Variants in KATNB1 observed in about 807,000 individuals in gnomAD.
KATNB1 encodes the protein katanin p80 WD40 repeat-containing subunit B1.
KATNB1 carries 38 observed loss-of-function variants against 82.3 expected under a neutral mutation model. That is an observed-to-expected ratio of 0.46 (90% confidence interval 0.36 to 0.61). The LOEUF is 0.61. KATNB1 is among the 20% of genes least tolerant of loss of function. KATNB1 has a pLI of 0.00. For synonymous variants in KATNB1, 361 were observed against 368.7 expected (o/e 0.98, Z 0.24); for missense variants, 749 against 915.7 (o/e 0.82, Z 2.35).
At chr16:57,740,249 C>A (rs1360283917) in intron 2 of KATNB1, among the ~76,000 whole-genome samples, 1 of 152,176 alleles carries the variant, frequency 6.6e-6, no homozygotes, top group Non-Finnish European at 1.5e-5. Flanking sequence ...GGAACCCTCG[C>A]CCTTGCTGGC....
At position 57,737,165 on chromosome 16, in the gene KATNB1, G is replaced by C. The variant is rs182606259; in HGVS notation, c.-79G>C. On this transcript the variant is annotated 5_prime_UTR_variant, in exon 2 of 20. Coordinates refer to ENST00000379661, the MANE Select transcript of KATNB1 (RefSeq NM_005886.3). ...TCTGCCAACTTGATTGGTGGATCTG[G>C]GGGGGGATCCACCCCCACCCCACGA... 3.5e-5 allele frequency: 54 copies of C among 1,545,182 alleles called. No homozygotes were observed. In the African/African-American group the frequency reaches 5.2e-4, roughly 15 times the overall value.
In KATNB1 at chr16:57,744,620, G is replaced by A. The variant is rs782361860; in HGVS notation, c.289+109G>A. 8.6e-5 allele frequency: 78 copies of A among 903,520 alleles called. No homozygotes were observed. The African/African-American group carries it at 1.1e-3, about 13-fold the overall frequency. 56.0% of individuals were successfully genotyped at this position (903,520 alleles called of 1,614,324 possible). A position where few individuals can be genotyped will look rare whatever the true frequency, so the allele number is the denominator to read the frequency against. On this transcript the variant is annotated intron_variant, in intron 4 of 19. Transcript: ENST00000379661. ...CTGCCTGGACTACGTTGGCTGCTTT[G>A]CTCCTGGAGCACTAACCCGGCAGTG...
At chr16:57,742,581 G>A (rs1432276455) in intron 3 of KATNB1, among the ~76,000 whole-genome samples, 1 of 152,232 alleles carries the variant, frequency 6.6e-6, no homozygotes, top group Admixed American at 6.5e-5. Context: ...CCACTCTTGT[G>A]CAGCCTGGTT....
intron 4 of KATNB1, among the ~76,000 whole-genome samples, chr16:57,748,512 G>A (rs1313787360): frequency 4.7e-5 from 7 of 150,242 alleles, no homozygotes; most frequent in Non-Finnish European, 1.0e-4. Flanking sequence ...GCCTCATATC[G>A]GTTGCCTTGA....
At chr16:57,754,198 G>T (rs1469874056) in intron 13 of KATNB1, among the ~76,000 whole-genome samples, 1 of 152,166 alleles carries the variant, frequency 6.6e-6, no homozygotes. Flanking sequence ...GTAGGAGCCT[G>T]TGCCCTGGTG....
Position 57,751,051 on chromosome 16 carries a change from ATCC to A in KATNB1, c.390+126_390+128del, listed in dbSNP as rs2049222638. 3 of 884,112 alleles carry A rather than the reference ATCC, an allele frequency of 3.4e-6. No individual in the cohort carries two copies. The East Asian group carries it at 7.5e-5, about 22-fold the overall frequency. The allele number at this position is 884,112 out of a possible 1,614,324, so 54.8% of individuals were successfully genotyped here. On this transcript the variant is annotated intron_variant, in intron 5 of 19. Transcript: ENST00000379661. The surrounding 1 kb of genome is among the most constrained non-coding windows in gnomAD (Gnocchi z 6.3). ...CCCTTTCTGCAGCCACATCCACACC[ATCC>A]TAGGGAAAGCGGGTGGCAGGCATCT...
Position 57,741,555 on chromosome 16 carries a change from G to C in KATNB1, c.41-132G>C, listed in dbSNP as rs533815268. On this transcript the variant is annotated intron_variant, in intron 2 of 19. Transcript: ENST00000379661. ...CCTGCAGCTCATGGTGGACACCAAA[G>C]GGGGAGCTGAAGGAGGCAGATCCTT... The C allele has an allele frequency of 1.6e-5, 15 of 923,776 alleles. No individual in the cohort carries two copies. In the South Asian group the frequency reaches 2.1e-4, roughly 13 times the overall value. The allele number at this position is 923,776 out of a possible 1,614,324, so 57.2% of individuals were successfully genotyped here.
Position 57,741,692 on chromosome 16 carries a change from A to T in KATNB1, c.46A>T (p.Ile16Phe), listed in dbSNP as rs1240338806. 5.0e-6 allele frequency: 8 copies of T among 1,613,514 alleles called. No homozygotes were observed. Among genetic ancestry groups the T allele is most frequent in the Non-Finnish European group, 6.8e-6 (8 of 1,179,794 alleles). The change falls in exon 3 of 20, where the codon ATC (isoleucine) becomes TTC (phenylalanine). Residue 16 changes from isoleucine to phenylalanine, a missense_variant. This residue lies in a region of KATNB1 where 247 missense variants were observed against 349.4 expected (regional missense o/e 0.71). Transcript: ENST00000379661. ...CCCTCTCCTTCCCTGTGTAGAAGAG[A>T]TCGTCGCGCATGCCAGCAACGTGTC... Reference protein sequence around the residue: ...VTKTAWKLQEIVAHASNVSSL... With the variant: ...VTKTAWKLQEFVAHASNVSSL...
At chr16:57,750,605 G>A (rs569786140) in intron 4 of KATNB1, among the ~76,000 whole-genome samples, 3 of 152,258 alleles carry the variant, frequency 2.0e-5, no homozygotes, top group South Asian at 2.1e-4. Flanking sequence ...CAGCCTGGGC[G>A]ACAGAGCAAG....
At chr16:57,755,097 C>A in intron 14 of KATNB1, 22 bp from the exon 15 acceptor site, 5 of 1,612,968 alleles carry the variant, frequency 3.1e-6, no homozygotes, top group Non-Finnish European at 4.2e-6. Flanking sequence ...AGGCCGGCAA[C>A]CGCTGAGTTT....
Position 57,755,200 on chromosome 16 carries a change from A to C in KATNB1, c.1378A>C (p.Asn460His), listed in dbSNP as rs1555585351. The C allele has an allele frequency of 3.7e-6, 6 of 1,611,912 alleles. No homozygotes were observed. In the East Asian group the frequency reaches 1.3e-4, roughly 36 times the overall value. The change falls in exon 15 of 20, where the codon AAC becomes CAC. Residue 460 changes from asparagine to histidine, a missense_variant. Transcript: ENST00000379661. ...AEPAIIPATRNEPIGLKASDF... is the reference protein window; with the variant it reads ...AEPAIIPATRHEPIGLKASDF... Reference sequence around the variant, plus strand: ...GCCTGCCATCATCCCTGCCACCCGGAACGAGCCCATCGGGCTGAAGGCCTC... The same window carrying C: ...GCCTGCCATCATCCCTGCCACCCGGCACGAGCCCATCGGGCTGAAGGCCTC...
At chr16:57,755,678 A>G in intron 16 of KATNB1, 163 bp from the exon 17 acceptor site, 1 of 975,764 alleles carries the variant, frequency 1.0e-6, no homozygotes, top group East Asian at 2.6e-5. Flanking sequence ...TTTAGTGAGC[A>G]TCTGTTTACA....
chr16:57,736,022 T>TGCCCCC (rs1366841207), intron 1 of KATNB1, 167 bp downstream of exon 1: 1 of 152,314 alleles, frequency 6.6e-6, no homozygotes, highest in East Asian at 1.9e-4. Context: ...CCGAGGGACC[T>TGCCCCC]GCCCCCGCCC....
chr16:57,755,611 C>A, intron 16 of KATNB1, 117 bp downstream of exon 16: 1 of 1,328,698 alleles, frequency 7.5e-7, no homozygotes, highest in Non-Finnish European at 1.0e-6. Context: ...TGGGATAGGC[C>A]ATCCCTGACG....
At position 57,743,015 on chromosome 16, in the gene KATNB1, G is replaced by A. The variant is rs1328994427; in HGVS notation, c.171+1198G>A. Among the ~76,000 whole-genome samples the A allele has an allele frequency of 3.9e-5, 6 of 152,174 alleles. No homozygotes were observed. The South Asian group carries it at 8.3e-4, about 21-fold the overall frequency. The stretch of plus-strand genomic sequence containing the variant: ...AAATAAAGATGAAGAGGAATAGGCC[G>A]GGCACAGTGGCTCACGCCTGTAATC... On this transcript the variant is annotated intron_variant, in intron 3 of 19. Transcript: ENST00000379661.
At chr16:57,748,396 C>T (rs1555582047) in intron 4 of KATNB1, among the ~76,000 whole-genome samples, 1 of 150,888 alleles carries the variant, frequency 6.6e-6, no homozygotes, top group East Asian at 1.9e-4. Flanking sequence ...GAGGCCAAGG[C>T]AGGAAGATCA....
In KATNB1 at chr16:57,753,928, G is replaced by T. The variant is rs2049252378; in HGVS notation, c.1178-17G>T. On this transcript the variant is annotated splice_polypyrimidine_tract_variant and intron_variant, in intron 12 of 19. Coordinates refer to ENST00000379661, the MANE Select transcript of KATNB1 (RefSeq NM_005886.3). ...TGGCCAGGAGCGCTCACAGCCAGGG[G>T]CCTCTTTCCTCTGCAGGTCGGACGC... The T allele has an allele frequency of 6.2e-7, 1 of 1,613,158 alleles. No individual in the cohort carries two copies. Among genetic ancestry groups the T allele is most frequent in the South Asian group, 1.1e-5 (1 of 91,028 alleles).
intron 4 of KATNB1, among the ~76,000 whole-genome samples, chr16:57,745,429 G>C (rs12920410): frequency 0.54 from 82,554 of 151,706 alleles, 25,514 homozygotes; most frequent in Non-Finnish European, 0.7. Flanking sequence ...CGGGTGTGGT[G>C]GCACATGTCT....
At position 57,753,410 on chromosome 16, in the gene KATNB1, C is replaced by T. The variant is rs200545074; in HGVS notation, c.1068C>T (p.Ser356=). 3.4e-5 allele frequency: 55 copies of T among 1,612,512 alleles called. No individual in the cohort carries two copies. In the African/African-American group the frequency reaches 3.5e-4, roughly 10 times the overall value. The change falls in exon 12 of 20, where the codon AGC becomes AGT. Residue 356 remains serine (S), a synonymous_variant. Transcript: ENST00000379661. ...KPQRVKQNSE[S]ERRSPSSEDD... The stretch of plus-strand genomic sequence containing the variant: ...CCAGGGTGAAGCAGAACTCAGAGAG[C>T]GAGCGCCGCAGCCCCAGCAGCGAGG...
Sources: gnomAD v4.1 joint callset for allele counts (sites outside exome capture counted in the v4.1 genomes callset) on GRCh38, gnomAD v4.1.1 for gene constraint, gnomAD v4.1.1 regional missense constraint, Gnocchi (gnomAD v3.1) non-coding constraint, MANE v1.5 for transcripts, NCBI Gene and HGNC (gene_info 2026-07-23, HGNC 2026-07-21) for gene names.